Variants in MAPK4 observed in about 807,000 individuals in gnomAD.
MAPK4 encodes the protein mitogen-activated protein kinase 4.
A neutral mutation model predicts 47.7 loss-of-function variants in MAPK4; 22 were observed. That is an observed-to-expected ratio of 0.46 (90% confidence interval 0.33 to 0.66). The LOEUF (loss-of-function observed/expected upper bound fraction) is 0.66, where lower values mean the gene tolerates loss of function less well. Among genes scored for constraint, MAPK4 ranks in the 30% least tolerant of loss-of-function variants. MAPK4 has a pLI of 0.02. For synonymous variants in MAPK4, 390 were observed against 365.7 expected (o/e 1.07, Z -0.76); for missense variants, 736 against 831.7 (o/e 0.88, Z 1.42).
chr18:50,726,194 T>G lies in MAPK4; in HGVS notation c.1067+19T>G, dbSNP rs1172565699. The G allele has an allele frequency of 8.7e-6, 14 of 1,610,852 alleles. No homozygotes were observed. Among genetic ancestry groups the G allele is most frequent in the Non-Finnish European group, 1.2e-5 (14 of 1,178,152 alleles). On this transcript the variant is annotated intron_variant, in intron 5 of 5. Coordinates refer to ENST00000400384, the MANE Select transcript of MAPK4 (RefSeq NM_002747.4). ...GTTCCAGGTGCTCGCAGCCCTGGGT[T>G]CCAGAGCCCACATTTCCCTGTCCTC... is the stretch of plus-strand genomic sequence containing the variant.
At chr18:50,563,421 G>C (rs554989455) in intron 1 of MAPK4, among the ~76,000 whole-genome samples, 27 of 152,312 alleles carry the variant, frequency 1.8e-4, no homozygotes, top group African/African-American at 6.5e-4. Flanking sequence ...AGTGCTGCTG[G>C]AACATTTTAC....
intron 5 of MAPK4, among the ~76,000 whole-genome samples, chr18:50,727,372 T>C (rs1489950708): frequency 1.3e-5 from 2 of 152,188 alleles, no homozygotes; most frequent in African/African-American, 4.8e-5. Flanking sequence ...TTTTTAGTCA[T>C]TTGACAGATG....
Position 50,729,701 on chromosome 18 carries a change from C to T in MAPK4, c.1611C>T (p.Phe537=), listed in dbSNP as rs1206925846. The T allele has an allele frequency of 9.0e-6, 14 of 1,561,516 alleles. No individual in the cohort carries two copies. The highest frequency in any genetic ancestry group is 1.2e-5 in the Non-Finnish European group (14 of 1,154,030). Residue 537 remains phenylalanine, a synonymous_variant, in exon 6 of 6, where the codon TTC becomes TTT. Transcript: ENST00000400384. ...TGGACGGCGGCGCCAGCCCCCAGTT[C>T]GACCTGGACGTGTTCATCTCCCGCG... ...APVDGGASPQ[F]DLDVFISRAL...
intron 2 of MAPK4, among the ~76,000 whole-genome samples, chr18:50,683,343 G>A (rs1908689596): frequency 6.6e-6 from 1 of 151,834 alleles, no homozygotes; most frequent in South Asian, 2.1e-4. Context: ...GGCTGGTCTT[G>A]AACTCCTGAC....
At chr18:50,570,326 A>C (rs2042238732) in intron 1 of MAPK4, among the ~76,000 whole-genome samples, 1 of 152,216 alleles carries the variant, frequency 6.6e-6, no homozygotes. Context: ...GTTCCTAATA[A>C]GGCAGGTGAT....
intron 1 of MAPK4, among the ~76,000 whole-genome samples, chr18:50,570,053 C>T (rs1272119732): frequency 6.6e-6 from 1 of 152,228 alleles, no homozygotes; most frequent in Non-Finnish European, 1.5e-5. Context: ...TTGTTGTGTT[C>T]ACTGGGAAAG....
chr18:50,661,739 G>A (rs754474087), intron 1 of MAPK4, among the ~76,000 whole-genome samples: 8 of 152,174 alleles, frequency 5.3e-5, no homozygotes, highest in East Asian at 1.9e-4. Flanking sequence ...TAAGGACCAC[G>A]GGCCTTGTTT....
At chr18:50,724,627 A>G (rs2144483934) in intron 4 of MAPK4, among the ~76,000 whole-genome samples, 1 of 152,376 alleles carries the variant, frequency 6.6e-6, no homozygotes, top group East Asian at 1.9e-4. Flanking sequence ...GATCAGAGTT[A>G]CTGCTGCTTA....
intron 2 of MAPK4, among the ~76,000 whole-genome samples, chr18:50,689,946 G>A (rs1250144903): frequency 6.6e-6 from 1 of 152,166 alleles, no homozygotes; most frequent in African/African-American, 2.4e-5. Flanking sequence ...TGGTGTCTTA[G>A]GAATTAATAC....
chr18:50,654,659 G>A (rs2043087616), intron 1 of MAPK4, among the ~76,000 whole-genome samples: 1 of 152,144 alleles, frequency 6.6e-6, no homozygotes. Flanking sequence ...TGCTACACAT[G>A]CCCCCTGGCA....
intron 3 of MAPK4, among the ~76,000 whole-genome samples, chr18:50,719,222 G>A (rs1388786821): frequency 6.6e-6 from 1 of 152,072 alleles, no homozygotes; most frequent in South Asian, 2.1e-4. Context: ...AGCCCCTACA[G>A]TTTTCCCTCT....
chr18:50,572,275 A>G (rs931580427), intron 1 of MAPK4, among the ~76,000 whole-genome samples: 1 of 152,186 alleles, frequency 6.6e-6, no homozygotes, highest in African/African-American at 2.4e-5. Flanking sequence ...TACACTATGA[A>G]TGAGAATATA....
intron 1 of MAPK4, among the ~76,000 whole-genome samples, chr18:50,566,736 T>C (rs143613031): frequency 2.4e-4 from 37 of 152,366 alleles, no homozygotes; most frequent in East Asian, 1.2e-3. Context: ...ACTTCCTTTA[T>C]TGCTTTTTTT....
chr18:50,605,103 G>A (rs929110602), intron 1 of MAPK4, among the ~76,000 whole-genome samples: 1 of 152,202 alleles, frequency 6.6e-6, no homozygotes, highest in African/African-American at 2.4e-5. Flanking sequence ...TGATGCAGAT[G>A]CCATCAACCC....
At chr18:50,724,490 C>G in intron 4 of MAPK4, among the ~76,000 whole-genome samples, 1 of 152,248 alleles carries the variant, frequency 6.6e-6, no homozygotes. Context: ...CCTGCCCAGA[C>G]TTGAAGCTGG....
At chr18:50,596,168 A>G (rs966605261) in intron 1 of MAPK4, among the ~76,000 whole-genome samples, 11 of 152,082 alleles carry the variant, frequency 7.2e-5, no homozygotes, top group African/African-American at 2.4e-4. Flanking sequence ...TGTCATCCGC[A>G]TTTTCTCCAT....
chr18:50,692,463 G>A lies in MAPK4; in HGVS notation c.547-22616G>A, dbSNP rs146020116. Among the ~76,000 whole-genome samples the A allele has an allele frequency of 3.3e-3, 497 of 152,256 alleles. 1 individual carries two copies. Among genetic ancestry groups the A allele is most frequent in the African/African-American group, 0.01 (432 of 41,558 alleles). ...CTGGACAGTAGCAGGGACGAGCCCT[G>A]GTTCTGTTCCTTAAGAATTATGTGA... On this transcript the variant is annotated intron_variant, in intron 2 of 5. Transcript: ENST00000400384.
At chr18:50,596,666 C>T (rs2042484320) in intron 1 of MAPK4, among the ~76,000 whole-genome samples, 1 of 152,162 alleles carries the variant, frequency 6.6e-6, no homozygotes, top group African/African-American at 2.4e-5. Context: ...TATGTATCCA[C>T]CAAAATCAAC....
intron 1 of MAPK4, among the ~76,000 whole-genome samples, chr18:50,609,224 A>AGCT (rs1170400921): frequency 6.6e-6 from 1 of 151,632 alleles, no homozygotes; most frequent in Non-Finnish European, 1.5e-5. Flanking sequence ...GTTCTCAATG[A>AGCT]GCTGTTGGGT....
Sources: allele counts gnomAD v4.1 joint callset (sites outside exome capture counted in the v4.1 genomes callset), GRCh38; gene constraint gnomAD v4.1.1; transcripts MANE v1.5; gene names NCBI Gene and HGNC (gene_info 2026-07-23, HGNC 2026-07-21).